TMEM225B: variants seen among roughly 807,000 people sequenced by gnomAD.
TMEM225B encodes transmembrane protein 225B.
In TMEM225B, 10 loss-of-function variants were observed where a neutral mutation model predicts 16.9. The ratio of observed to expected loss-of-function variants is 0.59; its 90% CI spans 0.36 to 1.00. The LOEUF is 1.00. Ranked by LOEUF, TMEM225B falls within the 50% of genes least tolerant of loss-of-function variation. TMEM225B has a pLI of 0.01. For synonymous variants in TMEM225B, 92 were observed against 109.8 expected (o/e 0.84, Z 1.01); for missense variants, 217 against 267.0 (o/e 0.81, Z 1.30).
Position 99,601,692 on chromosome 7 carries a change from T to A in TMEM225B, c.-4+1407T>A, listed in dbSNP as rs184831017. 1.4e-4 allele frequency among the ~76,000 whole-genome samples: 21 copies of A among 152,302 alleles called. No homozygotes were observed. The East Asian group carries it at 4.0e-3, about 29-fold the overall frequency. Reference sequence around the variant, plus strand: ...ACTCTGACAGCATCGAAGATGAACATGTGTTTACCTGTTTATAACCAGGGT... The same window carrying A: ...ACTCTGACAGCATCGAAGATGAACAAGTGTTTACCTGTTTATAACCAGGGT... On this transcript the variant is annotated intron_variant, in intron 2 of 5. Coordinates refer to ENST00000431679, the MANE Select transcript of TMEM225B (RefSeq NM_001195541.3).
intron 3 of TMEM225B, among the ~76,000 whole-genome samples, chr7:99,606,513 T>C (rs1207521638): frequency 1.3e-5 from 2 of 152,208 alleles, no homozygotes; most frequent in Non-Finnish European, 2.9e-5. Context: ...TTTCAGTGTC[T>C]GACATTGTCA....
In TMEM225B at chr7:99,600,256, C is replaced by T. The variant is rs1041628624; in HGVS notation, c.-33C>T. 13 of 702,842 alleles carry T rather than the reference C, an allele frequency of 1.8e-5. No homozygotes were observed. Among genetic ancestry groups the T allele is most frequent in the Non-Finnish European group, 3.1e-5 (12 of 384,992 alleles). The allele number at this position is 702,842 out of a possible 1,614,324, so 43.5% of individuals were successfully genotyped here. A position where few individuals can be genotyped will look rare whatever the true frequency, so the allele number is the denominator to read the frequency against. On this transcript the variant is annotated 5_prime_UTR_variant, in exon 2 of 6. Transcript: ENST00000431679. ...CCTTTTTTCATCTCTGAATCCCCAC[C>T]ATTGGCCTACATTGGGAGTGGGGCG...
At chr7:99,604,210 G>A (rs62471922) in intron 2 of TMEM225B, among the ~76,000 whole-genome samples, 176 bp from the exon 3 acceptor site, 3 of 151,404 alleles carry the variant, frequency 2.0e-5, no homozygotes, top group African/African-American at 4.9e-5. Flanking sequence ...TTTTTTTTTG[G>A]TCTGCTGCAG....
At chr7:99,608,927 G>A (rs990435068) in intron 5 of TMEM225B, among the ~76,000 whole-genome samples, 2 of 151,232 alleles carry the variant, frequency 1.3e-5, no homozygotes, top group South Asian at 2.1e-4. Flanking sequence ...AGCACTTCGG[G>A]AGGCCAAGGC....
At chr7:99,608,921 C>A (rs1289125735) in intron 5 of TMEM225B, among the ~76,000 whole-genome samples, 1 of 150,854 alleles carries the variant, frequency 6.6e-6, no homozygotes, top group Non-Finnish European at 1.5e-5. Flanking sequence ...CATCTCAGCA[C>A]TTCGGGAGGC....
chr7:99,606,157 C>T (rs1012847560), intron 3 of TMEM225B, among the ~76,000 whole-genome samples: 6 of 152,280 alleles, frequency 3.9e-5, no homozygotes, highest in Non-Finnish European at 7.4e-5. Flanking sequence ...AGGCCAGGCA[C>T]GGTGGCTCAC....
At chr7:99,607,059 C>T (rs908190180) in intron 4 of TMEM225B, among the ~76,000 whole-genome samples, 165 bp downstream of exon 4, 6 of 152,144 alleles carry the variant, frequency 3.9e-5, no homozygotes, top group Admixed American at 3.3e-4. Context: ...GCTATCATAG[C>T]TCACTGCAGC....
chr7:99,604,661 G>C, intron 3 of TMEM225B, 65 bp downstream of exon 3: 1 of 1,317,436 alleles, frequency 7.6e-7, no homozygotes, highest in East Asian at 2.5e-5. Context: ...ACAGAGGTGG[G>C]GGGTGAAAGA....
intron 3 of TMEM225B, among the ~76,000 whole-genome samples, chr7:99,605,938 C>T (rs780162837): frequency 6.6e-6 from 1 of 152,172 alleles, no homozygotes; most frequent in Admixed American, 6.5e-5. Context: ...ATTCCCTCAG[C>T]GTTCAGAACA....
chr7:99,604,899 T>G (rs1805668690), intron 3 of TMEM225B, among the ~76,000 whole-genome samples: 1 of 151,976 alleles, frequency 6.6e-6, no homozygotes, highest in Admixed American at 6.6e-5. Flanking sequence ...AGGCTGAGGT[T>G]GGAGGGCTCC....
At chr7:99,605,381 C>T (rs367646355) in intron 3 of TMEM225B, 1 of 152,170 alleles carries the variant, frequency 6.6e-6, no homozygotes, top group East Asian at 1.9e-4. Context: ...ATCCTCCCGC[C>T]TCAGCCTTCT....
chr7:99,601,906 G>T (rs1185575933), intron 2 of TMEM225B, among the ~76,000 whole-genome samples: 1 of 152,244 alleles, frequency 6.6e-6, no homozygotes, highest in Non-Finnish European at 1.5e-5. Flanking sequence ...AGAGGCCCCA[G>T]TGTCTGCACT....
intron 5 of TMEM225B, among the ~76,000 whole-genome samples, chr7:99,610,017 C>T (rs528513938): frequency 6.6e-6 from 1 of 152,194 alleles, no homozygotes; most frequent in Non-Finnish European, 1.5e-5. Context: ...GAATTACAGG[C>T]GTGAACTACC....
Position 99,607,604 on chromosome 7 carries a change from G to T in TMEM225B, c.356-69G>T, listed in dbSNP as rs570783831. On this transcript the variant is annotated intron_variant, in intron 4 of 5. Transcript: ENST00000431679. ...AGGAGCCTCCAGGCAGGAGCCACAGGGGGTGAAGTTTGGAGGGAAGGCGGG... is the reference window on the plus strand; with the variant it reads ...AGGAGCCTCCAGGCAGGAGCCACAGTGGGTGAAGTTTGGAGGGAAGGCGGG... 8.9e-6 allele frequency: 13 copies of T among 1,457,630 alleles called. No individual in the cohort carries two copies. In the East Asian group the frequency reaches 3.3e-4, roughly 37 times the overall value. The allele number at this position is 1,457,630 out of a possible 1,614,324, so 90.3% of individuals were successfully genotyped here.
chr7:99,599,125 A>ATTTT lies in TMEM225B; in HGVS notation c.-85+764_-85+767dup, dbSNP rs769617190. Among the ~76,000 whole-genome samples, 138 of 115,490 alleles carry ATTTT rather than the reference A, an allele frequency of 1.2e-3. 1 individual carries two copies. Among genetic ancestry groups the ATTTT allele is most frequent in the African/African-American group, 4.5e-3 (127 of 27,942 alleles). 75.8% of individuals were successfully genotyped at this position (115,490 alleles called of 152,430 possible). A position where few individuals can be genotyped will look rare whatever the true frequency, so the allele number is the denominator to read the frequency against. ...CAGGCGCCCCCACCACGCCTGGCTA[A>ATTTT]TTTTTTTTTTTTTTTTTTTTTTTGT... On this transcript the variant is annotated intron_variant, in intron 1 of 5. Coordinates refer to ENST00000431679, the MANE Select transcript of TMEM225B (RefSeq NM_001195541.3).
chr7:99,602,552 A>T (rs1443192736), intron 2 of TMEM225B, among the ~76,000 whole-genome samples: 1 of 152,096 alleles, frequency 6.6e-6, no homozygotes, highest in Non-Finnish European at 1.5e-5. Flanking sequence ...ATCCTTAGGC[A>T]GGTGTTATAT....
At position 99,608,734 on chromosome 7, in the gene TMEM225B, TACACACACAC is replaced by T. The variant is rs35501095; in HGVS notation, c.493+946_493+955del. On this transcript the variant is annotated intron_variant, in intron 5 of 5. Transcript: ENST00000431679. ...AAAAAAAAATATATATATATATATA[TACACACACAC>T]ACACACACACACACACACACATATT... is the stretch of plus-strand genomic sequence containing the variant. Among the ~76,000 whole-genome samples, 32 of 113,718 alleles carry T rather than the reference TACACACACAC, an allele frequency of 2.8e-4. 1 individual carries two copies. The highest frequency in any genetic ancestry group is 9.9e-4 in the African/African-American group (27 of 27,246). The allele number at this position is 113,718 out of a possible 152,430, so 74.6% of individuals were successfully genotyped here. A position where few individuals can be genotyped will look rare whatever the true frequency, so the allele number is the denominator to read the frequency against.
chr7:99,609,589 C>T (rs188670984), intron 5 of TMEM225B, among the ~76,000 whole-genome samples: 2,538 of 152,084 alleles, frequency 0.017, 56 homozygotes, highest in African/African-American at 0.052. Flanking sequence ...GCATGCACCA[C>T]CATGCCTGGC....
rs1198536057 is a variant in TMEM225B at position 99,610,450 on chromosome 7, C to T, written c.551C>T (p.Ser184Phe). ...VCPCWHLLST[S>F]QSMEEDHGSL... ...CCTTGCTGGCACTTGTTGTCCACTT[C>T]CCAGAGTATGGAGGAGGACCACGGG... The change falls in exon 6 of 6, where the codon TCC becomes TTC. Residue 184 changes from serine to phenylalanine, a missense_variant. Coordinates refer to ENST00000431679, the MANE Select transcript of TMEM225B (RefSeq NM_001195541.3). The T allele has an allele frequency of 5.1e-5, 79 of 1,535,960 alleles. No individual in the cohort carries two copies. The highest frequency in any genetic ancestry group is 1.2e-4 in the Admixed American group (6 of 50,980).
Sources: allele counts gnomAD v4.1 joint callset (sites outside exome capture counted in the v4.1 genomes callset), GRCh38; gene constraint gnomAD v4.1.1; transcripts MANE v1.5; gene names NCBI Gene and HGNC (gene_info 2026-07-23, HGNC 2026-07-21).